Variants in LIFR observed in about 807,000 individuals in gnomAD.
The protein encoded by LIFR is LIF receptor subunit alpha.
A neutral mutation model predicts 122.2 loss-of-function variants in LIFR; 84 were observed. The ratio of observed to expected loss-of-function variants is 0.69; its 90% confidence interval spans 0.58 to 0.82. LIFR has a LOEUF of 0.82. LIFR is among the 40% of genes least tolerant of loss of function. The probability of loss-of-function intolerance (pLI) is 0.00; values close to 1 mark genes in which losing one functional copy is unlikely to be tolerated. For missense variants in LIFR, 1,294 were observed against 1,311.6 expected, an observed-to-expected ratio of 0.99 and a Z score of 0.21; for synonymous variants, 422 against 434.7, an observed-to-expected ratio of 0.97 and a Z score of 0.36.
At chr5:38,568,088 G>T (rs1300076486) in intron 1 of LIFR, among the ~76,000 whole-genome samples, 1 of 152,176 alleles carries the variant, frequency 6.6e-6, no homozygotes, top group Admixed American at 6.5e-5. Flanking sequence ...CAAATTATGT[G>T]CCTGACCAGG....
At chr5:38,508,645 C>T (rs1313464158) in intron 7 of LIFR, among the ~76,000 whole-genome samples, 1 of 151,862 alleles carries the variant, frequency 6.6e-6, no homozygotes, top group African/African-American at 2.4e-5. Context: ...GGTGCGATCT[C>T]AGCTCACTGC....
chr5:38,504,162 G>A (rs779489425), intron 9 of LIFR, 41 bp from the exon 10 acceptor site: 7 of 1,299,508 alleles, frequency 5.4e-6, no homozygotes, highest in African/African-American at 2.9e-5. Flanking sequence ...TTATTTAAAG[G>A]GAAAAACTAT....
intron 1 of LIFR, among the ~76,000 whole-genome samples, chr5:38,545,264 C>T (rs1462489649): frequency 2.0e-5 from 3 of 147,378 alleles, no homozygotes; most frequent in Admixed American, 6.7e-5. Context: ...ACCAAGACTC[C>T]GTCTCAAAAA....
At chr5:38,519,532 G>A (rs1288313089) in intron 5 of LIFR, among the ~76,000 whole-genome samples, 1 of 152,052 alleles carries the variant, frequency 6.6e-6, no homozygotes, top group African/African-American at 2.4e-5. Context: ...CACCCTACTT[G>A]ACTATCTAAC....
intron 2 of LIFR, among the ~76,000 whole-genome samples, chr5:38,605,737 A>T (rs1750315173): frequency 6.6e-6 from 1 of 152,200 alleles, no homozygotes; most frequent in Non-Finnish European, 1.5e-5. Context: ...TCATGGAGGT[A>T]AATGCATAGC....
intron 1 of LIFR, among the ~76,000 whole-genome samples, chr5:38,551,365 CA>C (rs1748191452): frequency 6.6e-6 from 1 of 152,196 alleles, no homozygotes; most frequent in South Asian, 2.1e-4. Flanking sequence ...ATCTCTCTCC[CA>C]CTCACCTTAC....
At chr5:38,519,188 C>T (rs549541341) in intron 5 of LIFR, among the ~76,000 whole-genome samples, 1 of 152,288 alleles carries the variant, frequency 6.6e-6, no homozygotes, top group South Asian at 2.1e-4. Flanking sequence ...TTAGTGTGGT[C>T]TAATTGTACC....
At chr5:38,572,396 T>A (rs1468598090) in intron 1 of LIFR, among the ~76,000 whole-genome samples, 1 of 151,558 alleles carries the variant, frequency 6.6e-6, no homozygotes, top group Non-Finnish European at 1.5e-5. Context: ...AAGGGGAGAG[T>A]GTTAAATCAT....
At chr5:38,502,601 A>C in intron 11 of LIFR, 36 bp downstream of exon 11, 1 of 1,537,328 alleles carries the variant, frequency 6.5e-7, no homozygotes, top group Non-Finnish European at 9.0e-7. Context: ...CAGAATACAC[A>C]GTAATTATTA....
intron 1 of LIFR, among the ~76,000 whole-genome samples, chr5:38,583,333 C>T (rs1561225901): frequency 6.6e-6 from 1 of 152,136 alleles, no homozygotes; most frequent in Non-Finnish European, 1.5e-5. Flanking sequence ...TTTTCACTTT[C>T]ATATATAAGC....
intron 1 of LIFR, among the ~76,000 whole-genome samples, chr5:38,546,570 T>C (rs1478158476): frequency 6.6e-6 from 1 of 152,170 alleles, no homozygotes; most frequent in African/African-American, 2.4e-5. Flanking sequence ...TAAGAACATG[T>C]GTTCTGGAGT....
intron 1 of LIFR, among the ~76,000 whole-genome samples, chr5:38,545,563 A>T (rs960096346): frequency 6.6e-6 from 1 of 151,954 alleles, no homozygotes; most frequent in Non-Finnish European, 1.5e-5. Context: ...ACTTATGTTT[A>T]AAAAAATAAC....
intron 5 of LIFR, among the ~76,000 whole-genome samples, chr5:38,517,710 AGTCGGGC>A (rs1313469665): frequency 1.3e-5 from 2 of 151,688 alleles, no homozygotes; most frequent in African/African-American, 4.8e-5. Flanking sequence ...ACAAAAAGTT[AGTCGGGC>A]GTGGTGGCAT....
intron 1 of LIFR, among the ~76,000 whole-genome samples, chr5:38,552,060 G>T (rs935357913): frequency 6.6e-6 from 1 of 152,124 alleles, no homozygotes; most frequent in African/African-American, 2.4e-5. Context: ...AAGGACACAG[G>T]CTTCTTTACT....
rs1241111660 is a variant in LIFR, at chr5:38,485,911, T to A, written c.2405A>T (p.Gln802Leu). The A allele has an allele frequency of 1.2e-6, 2 of 1,614,122 alleles. No homozygotes were observed. The highest frequency in any genetic ancestry group is 1.7e-6 in the Non-Finnish European group (2 of 1,179,926). Residue 802 changes from glutamine (Q) to leucine (L), a missense_variant, in exon 17 of 20, where the codon CAA (glutamine) becomes CTA (leucine). Coordinates refer to ENST00000453190, the MANE Select transcript of LIFR (RefSeq NM_001127671.2). Reference sequence around the variant, plus strand: ...GACCAGGTGGTAACTTGTTTTACCTTGAAGATCAGCAATTCTCAGTGTCTT... The same window carrying A: ...GACCAGGTGGTAACTTGTTTTACCTAGAAGATCAGCAATTCTCAGTGTCTT... The part of the protein sequence containing the change: ...SQKTLRIADL[Q>L]GKTSYHLVLR...
intron 10 of LIFR, 148 bp from the exon 11 acceptor site, chr5:38,502,947 T>C: frequency 4.8e-6 from 2 of 414,992 alleles, no homozygotes; most frequent in Non-Finnish European, 8.3e-6. Flanking sequence ...AGTTTGTATA[T>C]GTAACACCCA....
At chr5:38,595,985 C>T (rs1320351732), upstream of LIFR, among the ~76,000 whole-genome samples, 1 of 151,994 alleles carries the variant, frequency 6.6e-6, no homozygotes, top group African/African-American at 2.4e-5. Context: ...ATCCACCTGC[C>T]TCGGCCTCCC....
At chr5:38,509,892 G>C (rs866665209) in intron 7 of LIFR, among the ~76,000 whole-genome samples, 1 of 152,164 alleles carries the variant, frequency 6.6e-6, no homozygotes, top group Non-Finnish European at 1.5e-5. Flanking sequence ...AGACTGTGGG[G>C]TGATCATGTT....
chr5:38,598,955 A>G (rs1750174517), upstream of LIFR, among the ~76,000 whole-genome samples: 1 of 152,218 alleles, frequency 6.6e-6, no homozygotes. Flanking sequence ...CTCCTTTGAG[A>G]TAGCTATGAT....
Sources: gnomAD v4.1 joint callset for allele counts (sites outside exome capture counted in the v4.1 genomes callset) on GRCh38, gnomAD v4.1.1 for gene constraint, MANE v1.5 for transcripts, NCBI Gene and HGNC (gene_info 2026-07-23, HGNC 2026-07-21) for gene names.